SLC38A12: variants seen among roughly 807,000 people sequenced by gnomAD.
SLC38A12 encodes the protein putative sodium-coupled neutral amino acid transporter 12.
the SLC38A12 span, chr17:74,835,793 AG>A: frequency 2.7e-6 from 4 of 1,468,030 alleles, no homozygotes; most frequent in South Asian, 5.5e-5. Flanking sequence ...ACCCAAGAAC[AG>A]GGCTGCATGA....
chr17:74,795,753 C>T, the SLC38A12 span: 1 of 765,178 alleles, frequency 1.3e-6, no homozygotes, highest in South Asian at 1.8e-5. Context: ...CTCTTCTCCA[C>T]ACTCTGGCTA....
the SLC38A12 span, among the ~76,000 whole-genome samples, chr17:74,807,876 C>A: frequency 1.3e-5 from 2 of 152,234 alleles, no homozygotes; most frequent in Non-Finnish European, 2.9e-5. Context: ...TCTCCTAGGT[C>A]AAGGTCAGAA....
At chr17:74,777,901 C>G in the SLC38A12 span, among the ~76,000 whole-genome samples, 1 of 152,144 alleles carries the variant, frequency 6.6e-6, no homozygotes, top group Admixed American at 6.5e-5. Context: ...GCAAAAAGAG[C>G]GAAACTCTGT....
At chr17:74,784,154 A>G in the SLC38A12 span, among the ~76,000 whole-genome samples, 1 of 152,224 alleles carries the variant, frequency 6.6e-6, no homozygotes, top group Non-Finnish European at 1.5e-5. Flanking sequence ...AGAAAAGTGC[A>G]TCTTTCTAAG....
the SLC38A12 span, among the ~76,000 whole-genome samples, chr17:74,812,106 G>A: frequency 2.5e-4 from 38 of 149,370 alleles, no homozygotes; most frequent in African/African-American, 4.9e-4. Flanking sequence ...GGAGTGCTGC[G>A]TTCCCCCACC....
the SLC38A12 span, among the ~76,000 whole-genome samples, chr17:74,823,101 C>T: frequency 6.6e-6 from 1 of 152,120 alleles, no homozygotes; most frequent in Non-Finnish European, 1.5e-5. Flanking sequence ...GCTGTGTGAC[C>T]GAGTCCCACA....
the SLC38A12 span, among the ~76,000 whole-genome samples, chr17:74,819,174 C>T: frequency 6.6e-6 from 1 of 152,310 alleles, no homozygotes; most frequent in African/African-American, 2.4e-5. Context: ...AAGCCAGGGG[C>T]TCTCGTTCTC....
chr17:74,818,958 C>A, the SLC38A12 span, among the ~76,000 whole-genome samples: 1 of 152,234 alleles, frequency 6.6e-6, no homozygotes. Context: ...TTCCCACAGA[C>A]CAGTTTTCTG....
the SLC38A12 span, among the ~76,000 whole-genome samples, chr17:74,828,059 G>A: frequency 3.9e-5 from 6 of 152,322 alleles, no homozygotes; most frequent in African/African-American, 1.4e-4. Flanking sequence ...CACACTGCCG[G>A]CCATTTGTTA....
the SLC38A12 span, among the ~76,000 whole-genome samples, chr17:74,813,199 G>A: frequency 6.6e-5 from 10 of 152,194 alleles, no homozygotes; most frequent in African/African-American, 2.2e-4. Flanking sequence ...ACTGCTGGCC[G>A]CTTTGGCCAC....
the SLC38A12 span, chr17:74,776,672 T>C: frequency 6.5e-6 from 1 of 152,898 alleles, no homozygotes. Flanking sequence ...TCGGGACTCC[T>C]CCAGGAGGGA....
At chr17:74,778,016 C>T in the SLC38A12 span, among the ~76,000 whole-genome samples, 1 of 152,222 alleles carries the variant, frequency 6.6e-6, no homozygotes, top group African/African-American at 2.4e-5. Context: ...GGGTTTTGCT[C>T]ATCTCAGCAG....
the SLC38A12 span, among the ~76,000 whole-genome samples, chr17:74,823,424 C>G: frequency 0.019 from 2,903 of 152,340 alleles, 85 homozygotes; most frequent in African/African-American, 0.066. Flanking sequence ...GGCCTCTGCT[C>G]TGCCCTCATT....
the SLC38A12 span, among the ~76,000 whole-genome samples, chr17:74,823,918 AGGCCTTGAAT>A: frequency 2.0e-5 from 3 of 152,248 alleles, no homozygotes; most frequent in Non-Finnish European, 4.4e-5. Context: ...GGTGGCAGCG[AGGCCTTGAAT>A]GGGGCCGTGT....
chr17:74,806,009 G>T, the SLC38A12 span, among the ~76,000 whole-genome samples: 1 of 152,328 alleles, frequency 6.6e-6, no homozygotes, highest in Non-Finnish European at 1.5e-5. Context: ...CGGCCTCATG[G>T]GTTCCGAGGC....
At chr17:74,820,118 G>C in the SLC38A12 span, among the ~76,000 whole-genome samples, 1 of 152,236 alleles carries the variant, frequency 6.6e-6, no homozygotes, top group African/African-American at 2.4e-5. Context: ...GCCCAGGATT[G>C]TTCATTCTAG....
chr17:74,792,158 A>G, the SLC38A12 span, among the ~76,000 whole-genome samples: 1 of 151,022 alleles, frequency 6.6e-6, no homozygotes, highest in Admixed American at 6.6e-5. Context: ...AAAAAAAAAA[A>G]AGAATTTAAT....
chr17:74,795,152 G>T, the SLC38A12 span: 2 of 1,548,200 alleles, frequency 1.3e-6, no homozygotes, highest in Non-Finnish European at 1.8e-6. Flanking sequence ...GTAGCCAAAG[G>T]GGCTTCCTCA....
the SLC38A12 span, among the ~76,000 whole-genome samples, chr17:74,783,826 G>A: frequency 4.1e-5 from 6 of 147,882 alleles, no homozygotes; most frequent in South Asian, 8.4e-4. Context: ...CACCTCCCGG[G>A]TTCAAGCGAT....
Sources: allele counts gnomAD v4.1 joint callset (sites outside exome capture counted in the v4.1 genomes callset), GRCh38; gene constraint gnomAD v4.1.1; transcripts MANE v1.5; gene names NCBI Gene and HGNC (gene_info 2026-07-23, HGNC 2026-07-21).